The following DPP10 variants were observed in gnomAD, a reference collection of about 807,000 sequenced individuals.
The protein encoded by DPP10 is inactive dipeptidyl peptidase 10.
A neutral mutation model predicts 120.9 loss-of-function variants in DPP10; 33 were observed. The observed-to-expected ratio is 0.27, with a 90% CI of 0.21 to 0.37. The LOEUF (loss-of-function observed/expected upper bound fraction) is 0.37. Ranked by LOEUF, DPP10 falls within the 10% of genes least tolerant of loss-of-function variation. The pLI is 1.00. For synonymous variants in DPP10, 337 were observed against 326.1 expected, an observed-to-expected ratio of 1.03 and a Z score of -0.36; for missense variants, 816 against 942.8, an observed-to-expected ratio of 0.87 and a Z score of 1.76.
intron 11 of DPP10, among the ~76,000 whole-genome samples, chr2:115,757,328 C>G (rs1442857998): frequency 6.6e-6 from 1 of 151,316 alleles, no homozygotes; most frequent in East Asian, 1.9e-4. Context: ...TGGGCAATTT[C>G]CAAAAAAAAA....
At chr2:114,962,832 T>C (rs903647785) in intron 1 of DPP10, among the ~76,000 whole-genome samples, 4 of 152,216 alleles carry the variant, frequency 2.6e-5, no homozygotes, top group Non-Finnish European at 5.9e-5. Flanking sequence ...CCATTATTAT[T>C]CCAAAGCCTC....
intron 1 of DPP10, among the ~76,000 whole-genome samples, chr2:114,807,325 A>G (rs1684819421): frequency 6.6e-6 from 1 of 152,208 alleles, no homozygotes; most frequent in Admixed American, 6.5e-5. Flanking sequence ...TTTTCATAAC[A>G]GTATGCAATG....
intron 1 of DPP10, among the ~76,000 whole-genome samples, chr2:114,716,994 G>A (rs1056162460): frequency 6.6e-6 from 1 of 152,200 alleles, no homozygotes; most frequent in African/African-American, 2.4e-5. Flanking sequence ...CTTGAGGAGT[G>A]GAGAAGACTC....
intron 17 of DPP10, among the ~76,000 whole-genome samples, chr2:115,790,312 C>G (rs998226898): frequency 6.6e-6 from 1 of 151,898 alleles, no homozygotes; most frequent in Non-Finnish European, 1.5e-5. Context: ...ATCTCCTGAC[C>G]TCATGATCCA....
chr2:114,823,184 T>C (rs943964065), intron 1 of DPP10, among the ~76,000 whole-genome samples: 1 of 152,170 alleles, frequency 6.6e-6, no homozygotes, highest in African/African-American at 2.4e-5. Context: ...CAGTTCAGCA[T>C]GGCTGGGGAG....
At chr2:114,923,821 A>G (rs1471534767) in intron 1 of DPP10, among the ~76,000 whole-genome samples, 4 of 152,150 alleles carry the variant, frequency 2.6e-5, no homozygotes, top group Non-Finnish European at 1.5e-5. Context: ...ATTTGGATGC[A>G]ATACAGTTTA....
At chr2:114,633,048 C>A (rs537056584) in intron 1 of DPP10, among the ~76,000 whole-genome samples, 81 of 151,824 alleles carry the variant, frequency 5.3e-4, no homozygotes, top group Middle Eastern at 3.4e-3. Flanking sequence ...CATGGGCAAT[C>A]ATATTTAGAA....
intron 1 of DPP10, among the ~76,000 whole-genome samples, chr2:115,076,867 A>G (rs137982902): frequency 9.6e-4 from 146 of 152,312 alleles, no homozygotes; most frequent in African/African-American, 3.4e-3. Context: ...TACACAGGAT[A>G]TTTCTTTCTT....
chr2:115,788,589 C>A (rs1683590725), intron 17 of DPP10, among the ~76,000 whole-genome samples: 1 of 151,990 alleles, frequency 6.6e-6, no homozygotes, highest in African/African-American at 2.4e-5. Flanking sequence ...ATTAGAATGA[C>A]AATAGTGGAA....
At chr2:114,708,896 C>G (rs142811568) in intron 1 of DPP10, among the ~76,000 whole-genome samples, 30 of 152,224 alleles carry the variant, frequency 2.0e-4, no homozygotes, top group Admixed American at 2.0e-4. Context: ...GCTGGGACTA[C>G]AGGCACACTC....
At chr2:114,541,259 G>A (rs1055129865) in intron 1 of DPP10, among the ~76,000 whole-genome samples, 3 of 152,132 alleles carry the variant, frequency 2.0e-5, no homozygotes, top group African/African-American at 7.2e-5. Flanking sequence ...GGGGGGTCTG[G>A]ATATTTTCGG....
chr2:115,320,585 C>G (rs1304725288), intron 2 of DPP10, among the ~76,000 whole-genome samples: 1 of 151,938 alleles, frequency 6.6e-6, no homozygotes, highest in Non-Finnish European at 1.5e-5. Context: ...TATGTTCAAT[C>G]ACATACACAA....
At chr2:114,871,754 T>C (rs1255781599) in intron 1 of DPP10, among the ~76,000 whole-genome samples, 1 of 152,164 alleles carries the variant, frequency 6.6e-6, no homozygotes, top group Non-Finnish European at 1.5e-5. Context: ...GAACTGGTCT[T>C]TGGCCTGTTG....
chr2:115,618,074 G>C (rs953821314), intron 5 of DPP10, among the ~76,000 whole-genome samples: 1 of 152,062 alleles, frequency 6.6e-6, no homozygotes, highest in Admixed American at 6.6e-5. Context: ...AATTATTTCT[G>C]GACTTTTCCA....
intron 3 of DPP10, among the ~76,000 whole-genome samples, chr2:115,482,433 T>C (rs1248185771): frequency 6.6e-6 from 1 of 151,980 alleles, no homozygotes; most frequent in Non-Finnish European, 1.5e-5. Context: ...TACAATTCAT[T>C]GTTTTTAGTA....
chr2:115,173,912 G>C (rs1279337890), intron 1 of DPP10, among the ~76,000 whole-genome samples: 1 of 152,192 alleles, frequency 6.6e-6, no homozygotes, highest in African/African-American at 2.4e-5. Context: ...TGGTACAGTA[G>C]AAAGAAGAGT....
At chr2:115,529,174 TC>T (rs970279712) in intron 5 of DPP10, among the ~76,000 whole-genome samples, 9 of 152,092 alleles carry the variant, frequency 5.9e-5, no homozygotes, top group East Asian at 3.9e-4. Context: ...TTTTTTTTTT[TC>T]CGGTGGGAGG....
intron 1 of DPP10, among the ~76,000 whole-genome samples, chr2:114,728,219 C>T (rs1676538943): frequency 6.6e-6 from 1 of 152,122 alleles, no homozygotes; most frequent in Admixed American, 6.6e-5. Flanking sequence ...AGGAACATAG[C>T]CCCCTTTCCT....
chr2:114,765,685 T>G (rs1045203795), intron 1 of DPP10, among the ~76,000 whole-genome samples: 1 of 152,172 alleles, frequency 6.6e-6, no homozygotes, highest in Non-Finnish European at 1.5e-5. Context: ...AAACTTAAAA[T>G]AATAATATAA....
Sources: allele counts gnomAD v4.1 joint callset (sites outside exome capture counted in the v4.1 genomes callset), GRCh38; gene constraint gnomAD v4.1.1; transcripts MANE v1.5; gene names NCBI Gene and HGNC (gene_info 2026-07-23, HGNC 2026-07-21).